ZNF469: variants seen among roughly 807,000 people sequenced by gnomAD.
The protein encoded by ZNF469 is zinc finger protein 469.
ZNF469 carries 1 observed loss-of-function variant against 1.0 expected under a neutral mutation model. The ratio of observed to expected loss-of-function variants is 1.00; its 90% CI spans 0.35 to 4.73. The LOEUF (loss-of-function observed/expected upper bound fraction) is 4.73. Ranked by LOEUF, ZNF469 falls within the 30% of genes most tolerant of loss-of-function variation. The pLI is 0.16. For synonymous variants in ZNF469, 2,703 were observed against 2,363.4 expected (o/e 1.14, Z -4.17); for missense variants, 6,100 against 5,356.3 (o/e 1.14, Z -4.33).
the ZNF469 span, among the ~76,000 whole-genome samples, chr16:88,140,198 T>C: frequency 6.6e-6 from 1 of 151,976 alleles, no homozygotes; most frequent in Non-Finnish European, 1.5e-5. Flanking sequence ...AAATGAAAAA[T>C]ATAGTCATAA....
At chr16:88,126,609 A>G in the ZNF469 span, among the ~76,000 whole-genome samples, 1,817 of 105,970 alleles carry the variant, frequency 0.017, 110 homozygotes, top group African/African-American at 0.052. Flanking sequence ...GTGAATGCCA[A>G]CTCTGCATTT....
chr16:88,224,711 G>T, the ZNF469 span, among the ~76,000 whole-genome samples: 43,485 of 152,024 alleles, frequency 0.29, 6,921 homozygotes, highest in Non-Finnish European at 0.34. Context: ...GTGTGTGTGT[G>T]TCCATGTGTG....
the ZNF469 span, among the ~76,000 whole-genome samples, chr16:88,298,962 C>G: frequency 6.6e-6 from 1 of 152,240 alleles, no homozygotes; most frequent in Non-Finnish European, 1.5e-5. Context: ...AGCAGACACA[C>G]AGCAGACGCT....
chr16:88,430,350 G>GTTCCGGAAGGATCT lies in ZNF469; in HGVS notation c.2880_2881insTTCCGGAAGGATCT (p.Gly961PhefsTer23). 6.6e-7 allele frequency: 1 copy of GTTCCGGAAGGATCT among 1,513,208 alleles called. No individual in the cohort carries two copies. The highest frequency in any genetic ancestry group is 8.8e-7 in the Non-Finnish European group (1 of 1,135,236). 93.7% of individuals were successfully genotyped at this position (1,513,208 alleles called of 1,614,324 possible). A position where few individuals can be genotyped will look rare whatever the true frequency, so the allele number is the denominator to read the frequency against. On this transcript the variant is annotated frameshift_variant, in exon 3 of 3. Transcript: ENST00000565624. LOFTEE classifies it low-confidence loss of function (END_TRUNC). ...AGCTGTTCCGGAAGGATCTGGACTCGGGCGGCGCAGCAGAGGGGTCGGGGT... is the reference window on the plus strand; with the variant it reads ...AGCTGTTCCGGAAGGATCTGGACTCGTTCCGGAAGGATCTGGCGGCGCAGCAGAGGGGTCGGGGT...
chr16:88,171,103 C>T, the ZNF469 span, among the ~76,000 whole-genome samples: 12 of 152,272 alleles, frequency 7.9e-5, no homozygotes, highest in East Asian at 7.7e-4. Context: ...TAAAGAAATA[C>T]GTTAAATAAA....
the ZNF469 span, among the ~76,000 whole-genome samples, chr16:88,307,732 T>C: frequency 6.6e-6 from 1 of 152,252 alleles, no homozygotes; most frequent in Non-Finnish European, 1.5e-5. Flanking sequence ...TTATGTGTTC[T>C]ACAGCCAGGT....
chr16:88,431,588 C>T lies in ZNF469; in HGVS notation c.4118C>T (p.Pro1373Leu). 6.4e-7 allele frequency: 1 copy of T among 1,550,464 alleles called. No individual in the cohort carries two copies. Among genetic ancestry groups the T allele is most frequent in the Non-Finnish European group, 8.7e-7 (1 of 1,146,992 alleles). ...PLGVPVAKKG[P>L]QPYSSPHSEL... is the part of the protein sequence containing the mutation. ...GGGGTTCCAGTTGCCAAAAAGGGGC[C>T]TCAGCCCTACAGCAGCCCCCACAGT... Residue 1373 changes from proline (P) to leucine (L), a missense_variant, in exon 3 of 3, where the codon CCT becomes CTT. Pro to Leu is a moderately conservative substitution (Grantham distance 98). Coordinates refer to ENST00000565624, the MANE Select transcript of ZNF469 (RefSeq NM_001367624.2).
At chr16:88,288,633 C>G in the ZNF469 span, among the ~76,000 whole-genome samples, 1 of 152,188 alleles carries the variant, frequency 6.6e-6, no homozygotes, top group Admixed American at 6.5e-5. Flanking sequence ...AAGAGGAATT[C>G]TAGAATGCTG....
chr16:88,229,643 G>C, the ZNF469 span, among the ~76,000 whole-genome samples: 1 of 113,832 alleles, frequency 8.8e-6, no homozygotes, highest in Admixed American at 8.8e-5. Context: ...TCACGTGTGT[G>C]TGCTGATGTC....
the ZNF469 span, among the ~76,000 whole-genome samples, chr16:88,249,723 A>G: frequency 1.2e-4 from 18 of 152,054 alleles, no homozygotes; most frequent in Non-Finnish European, 2.1e-4. Context: ...GGCGTGAGCC[A>G]CCACGCCCGG....
the ZNF469 span, among the ~76,000 whole-genome samples, chr16:88,245,200 G>T: frequency 2.6e-5 from 4 of 152,194 alleles, no homozygotes; most frequent in African/African-American, 4.8e-5. Context: ...CTCAGCAGAG[G>T]TACAGTCATG....
chr16:88,436,944 G>A lies in ZNF469; in HGVS notation c.9474G>A (p.Leu3158=). The A allele has an allele frequency of 6.7e-7, 1 of 1,493,566 alleles. No homozygotes were observed. The highest frequency in any genetic ancestry group is 8.9e-7 in the Non-Finnish European group (1 of 1,123,028). The allele number at this position is 1,493,566 out of a possible 1,614,324, so 92.5% of individuals were successfully genotyped here. ...CVERRFGSRE[L]LRGHLQERHA... ...AGCGCAGGTTTGGCTCGCGGGAGCT[G>A]CTGCGGGGGCACCTGCAGGAGAGGC... Residue 3158 remains leucine, a synonymous_variant, in exon 3 of 3, where the codon CTG becomes CTA. Transcript: ENST00000565624.
the ZNF469 span, among the ~76,000 whole-genome samples, chr16:88,355,367 A>G: frequency 1.3e-5 from 2 of 152,326 alleles, no homozygotes; most frequent in African/African-American, 4.8e-5. Flanking sequence ...GGAGCCCCTG[A>G]AAGTGGCCTC....
Position 88,432,114 on chromosome 16 carries a change from A to G in ZNF469, c.4644A>G (p.Gly1548=), listed in dbSNP as rs1482737660. Reference sequence around the variant, plus strand: ...CATCTTTGCCTGGGAAGGGGAGTGGATGTAGCGTTGCTCTTATGAGTCACC... The same window carrying G: ...CATCTTTGCCTGGGAAGGGGAGTGGGTGTAGCGTTGCTCTTATGAGTCACC... ...AAPSLPGKGS[G]CSVALMSHLS... The change falls in exon 3 of 3, where the codon GGA becomes GGG. Residue 1548 remains glycine, a synonymous_variant. Coordinates refer to ENST00000565624, the MANE Select transcript of ZNF469 (RefSeq NM_001367624.2). The G allele has an allele frequency of 4.5e-6, 7 of 1,550,382 alleles. No individual in the cohort carries two copies. Among genetic ancestry groups the G allele is most frequent in the Non-Finnish European group, 6.1e-6 (7 of 1,146,970 alleles).
the ZNF469 span, among the ~76,000 whole-genome samples, chr16:88,166,037 C>T: frequency 6.6e-6 from 1 of 152,266 alleles, no homozygotes; most frequent in Non-Finnish European, 1.5e-5. This position sits in a 1 kb window ranked among gnomAD's most constrained non-coding sequence, Gnocchi z 4.5. Context: ...ACCCAGGGGC[C>T]ACTGAGGCCC....
chr16:88,211,882 A>G, the ZNF469 span, among the ~76,000 whole-genome samples: 1 of 152,164 alleles, frequency 6.6e-6, no homozygotes, highest in Non-Finnish European at 1.5e-5. Context: ...TTCACCCAGC[A>G]CCATTCCCTT....
the ZNF469 span, among the ~76,000 whole-genome samples, chr16:88,362,261 G>A: frequency 6.6e-6 from 1 of 152,116 alleles, no homozygotes; most frequent in Non-Finnish European, 1.5e-5. Flanking sequence ...ATGGCTCCTG[G>A]TTTTTGCATA....
At chr16:88,117,222 G>T in the ZNF469 span, among the ~76,000 whole-genome samples, 2 of 151,310 alleles carry the variant, frequency 1.3e-5, no homozygotes, top group Admixed American at 6.6e-5. Flanking sequence ...TGAGAGCTGG[G>T]GTCGTGTGAG....
the ZNF469 span, among the ~76,000 whole-genome samples, chr16:88,367,373 C>G: frequency 1.5e-4 from 23 of 152,348 alleles, no homozygotes; most frequent in African/African-American, 5.3e-4. Flanking sequence ...AGTCCCACAA[C>G]TCGTGAGTGA....
Sources: allele counts gnomAD v4.1 joint callset (sites outside exome capture counted in the v4.1 genomes callset), GRCh38; gene constraint gnomAD v4.1.1; non-coding constraint Gnocchi (gnomAD v3.1); transcripts MANE v1.5; gene names NCBI Gene and HGNC (gene_info 2026-07-23, HGNC 2026-07-21).